Variants in LDLRAD4 observed in about 807,000 individuals in gnomAD.
LDLRAD4 encodes the protein low density lipoprotein receptor class A domain containing 4, also known as low-density lipoprotein receptor class A domain-containing protein 4.
LDLRAD4 carries 5 observed loss-of-function variants against 17.0 expected under a neutral mutation model. The observed-to-expected ratio is 0.29, with a 90% CI of 0.15 to 0.62. The LOEUF is 0.62. Ranked by LOEUF, LDLRAD4 falls within the 20% of genes least tolerant of loss-of-function variation. The pLI, the probability that LDLRAD4 is intolerant of heterozygous loss-of-function variation, is 0.84. For missense variants in LDLRAD4, 340 were observed against 424.7 expected (o/e 0.80, Z 1.75); for synonymous variants, 168 against 171.8 (o/e 0.98, Z 0.17).
Position 13,465,275 on chromosome 18 carries a change from CTCTT to C in LDLRAD4, c.181+26893_181+26896del, listed in dbSNP as rs746342524. On this transcript the variant is annotated intron_variant, in intron 3 of 5. Coordinates refer to ENST00000359446, the Ensembl canonical transcript of LDLRAD4. ...GTCAGGTTACCAAACAGCACGCCCTCTCTTTATTCTCAGGCTGCGTGTTTCATTG... is the reference window on the plus strand; with the variant it reads ...GTCAGGTTACCAAACAGCACGCCCTCTATTCTCAGGCTGCGTGTTTCATTG... Among the ~76,000 whole-genome samples, 281 of 152,342 alleles carry C rather than the reference CTCTT, an allele frequency of 1.8e-3. 3 individuals carry two copies. Among genetic ancestry groups the C allele is most frequent in the Middle Eastern group, 3.4e-3 (1 of 294 alleles).
chr18:13,333,101 C>G (rs144407402), intron 1 of LDLRAD4, among the ~76,000 whole-genome samples: 13 of 152,018 alleles, frequency 8.6e-5, no homozygotes, highest in Admixed American at 8.5e-4. Flanking sequence ...TTCTGGATTT[C>G]GGCCATTCTA....
chr18:13,627,439 G>A (rs916312054), intron 4 of LDLRAD4, among the ~76,000 whole-genome samples: 1 of 152,122 alleles, frequency 6.6e-6, no homozygotes, highest in Non-Finnish European at 1.5e-5. Context: ...GGACCCTTCA[G>A]TGCCGGGCAG....
chr18:13,451,381 C>T (rs572463303), intron 3 of LDLRAD4, among the ~76,000 whole-genome samples: 10 of 152,084 alleles, frequency 6.6e-5, no homozygotes, highest in African/African-American at 1.2e-4. Context: ...TTCAGGTGTA[C>T]GGCACCTCCC....
chr18:13,596,712 A>G (rs995897284), intron 3 of LDLRAD4, among the ~76,000 whole-genome samples: 1 of 152,164 alleles, frequency 6.6e-6, no homozygotes, highest in Non-Finnish European at 1.5e-5. Flanking sequence ...ACAAGCATCT[A>G]TTTATAGCAT....
At chr18:13,560,823 A>C (rs1490157543) in intron 3 of LDLRAD4, among the ~76,000 whole-genome samples, 1 of 152,210 alleles carries the variant, frequency 6.6e-6, no homozygotes, top group African/African-American at 2.4e-5. Flanking sequence ...GGCTGAGAAG[A>C]AAGTAGAGAA....
At chr18:13,611,930 G>A in intron 3 of LDLRAD4, 2 of 985,438 alleles carry the variant, frequency 2.0e-6, no homozygotes, top group Non-Finnish European at 2.4e-6. Context: ...GAAGAGGACA[G>A]CCCGCAGCCT....
intron 3 of LDLRAD4, chr18:13,612,817 G>A (rs775051126): frequency 6.8e-6 from 11 of 1,611,744 alleles, no homozygotes; most frequent in South Asian, 5.5e-5. Context: ...ATGCTCTTTC[G>A]GGTTTGCTGT....
intron 1 of LDLRAD4, among the ~76,000 whole-genome samples, chr18:13,287,267 G>A (rs1442126368): frequency 6.6e-6 from 1 of 152,234 alleles, no homozygotes; most frequent in East Asian, 1.9e-4. Context: ...ACACTCAGAT[G>A]TCTTGATCTT....
chr18:13,249,325 T>C (rs549442014), intron 1 of LDLRAD4, among the ~76,000 whole-genome samples: 1 of 152,342 alleles, frequency 6.6e-6, no homozygotes, highest in African/African-American at 2.4e-5. Context: ...GGAACTTCTA[T>C]ACTGTTCTGT....
intron 1 of LDLRAD4, among the ~76,000 whole-genome samples, chr18:13,380,550 A>C (rs1247157711): frequency 6.6e-6 from 1 of 152,224 alleles, no homozygotes; most frequent in Non-Finnish European, 1.5e-5. Flanking sequence ...CTGCTGCTAG[A>C]TCATATGAGT....
At chr18:13,611,655 T>G (rs925780235) in intron 3 of LDLRAD4, 2 of 985,274 alleles carry the variant, frequency 2.0e-6, no homozygotes, top group African/African-American at 3.5e-5. Context: ...CCTTATAAAC[T>G]AAAACTGCCT....
At chr18:13,487,069 AG>A (rs2093244131) in intron 3 of LDLRAD4, 1 of 152,316 alleles carries the variant, frequency 6.6e-6, no homozygotes, top group African/African-American at 2.4e-5. Context: ...TATGCTTCTC[AG>A]GCATTTGAAG....
intron 3 of LDLRAD4, chr18:13,521,862 G>A (rs999193303): frequency 8.2e-5 from 12 of 146,964 alleles, no homozygotes; most frequent in African/African-American, 1.8e-4. Context: ...TCTAGTAGCC[G>A]TCTCTGTTTT....
chr18:13,643,755 T>C (rs1346788614), intron 5 of LDLRAD4, among the ~76,000 whole-genome samples: 1 of 152,262 alleles, frequency 6.6e-6, no homozygotes, highest in Non-Finnish European at 1.5e-5. Flanking sequence ...AGTGTAATAA[T>C]GTGGATTTTA....
At chr18:13,533,479 A>G (rs2094157805) in intron 3 of LDLRAD4, among the ~76,000 whole-genome samples, 2 of 152,294 alleles carry the variant, frequency 1.3e-5, no homozygotes, top group East Asian at 3.9e-4. Flanking sequence ...TATGATCCCA[A>G]TTTTTTTCAT....
chr18:13,495,919 G>A (rs2093459966), intron 3 of LDLRAD4, among the ~76,000 whole-genome samples: 1 of 152,172 alleles, frequency 6.6e-6, no homozygotes, highest in Admixed American at 6.5e-5. Context: ...CAGCTGCCGG[G>A]CCCTTGTGGA....
In LDLRAD4 at chr18:13,367,686, G is replaced by T. The variant is rs897259448; in HGVS notation, c.-382-19655G>T. On this transcript the variant is annotated intron_variant, in intron 1 of 5. Transcript: ENST00000359446. This position sits in a 1 kb window ranked among gnomAD's most constrained non-coding sequence, Gnocchi z 4.1. Reference sequence around the variant, plus strand: ...GAGTGTGCCGAGAGGGGACAGCCGGGCACGGGGGCACACGTTGTCAAGGGA... The same window carrying T: ...GAGTGTGCCGAGAGGGGACAGCCGGTCACGGGGGCACACGTTGTCAAGGGA... 3.3e-5 allele frequency among the ~76,000 whole-genome samples: 5 copies of T among 152,090 alleles called. No homozygotes were observed. Among genetic ancestry groups the T allele is most frequent in the African/African-American group, 1.2e-4 (5 of 41,396 alleles).
At chr18:13,252,075 T>C (rs577315645) in intron 1 of LDLRAD4, among the ~76,000 whole-genome samples, 1 of 152,334 alleles carries the variant, frequency 6.6e-6, no homozygotes, top group African/African-American at 2.4e-5. Flanking sequence ...TGCATTGGAA[T>C]GTCTCCTTGT....
At chr18:13,561,168 T>C (rs536797164) in intron 3 of LDLRAD4, among the ~76,000 whole-genome samples, 1 of 152,352 alleles carries the variant, frequency 6.6e-6, no homozygotes, top group Non-Finnish European at 1.5e-5. Flanking sequence ...GAGCTATTCT[T>C]CAGGTTCCAC....
Sources: allele counts gnomAD v4.1 joint callset (sites outside exome capture counted in the v4.1 genomes callset), GRCh38; gene constraint gnomAD v4.1.1; non-coding constraint Gnocchi (gnomAD v3.1); transcripts MANE v1.5; gene names NCBI Gene and HGNC (gene_info 2026-07-23, HGNC 2026-07-21).